CDC14A: variants seen among roughly 807,000 people sequenced by gnomAD.
CDC14A encodes the protein dual specificity protein phosphatase CDC14A.
Under a neutral mutation model 74.4 loss-of-function variants are expected in CDC14A, and 53 were observed. The observed-to-expected ratio is 0.71, with a 90% CI of 0.57 to 0.89. CDC14A has a LOEUF of 0.89. Among genes scored for constraint, CDC14A ranks in the 40% least tolerant of loss-of-function variants. The pLI, the probability that CDC14A is intolerant of heterozygous loss-of-function variation, is 0.00. For synonymous variants in CDC14A, 247 were observed against 258.4 expected (o/e 0.96, Z 0.43); for missense variants, 646 against 713.7 (o/e 0.91, Z 1.08).
chr1:100,393,025 T>C (rs1657929490), intron 4 of CDC14A: 1 of 1,355,460 alleles, frequency 7.4e-7, no homozygotes, highest in Non-Finnish European at 1.0e-6. Flanking sequence ...ACCCGCGAAA[T>C]TGTCTTTTCA....
In CDC14A at chr1:100,507,321, A is replaced by G. The variant is rs1557838652; in HGVS notation, c.1755+8059A>G. On this transcript the variant is annotated intron_variant, in intron 15 of 15. Transcript: ENST00000336454. ...GAAGAATAAGACCAAATATTATAAGATTTTTCCTCTTTTTCCTGAAATTCT... is the reference window on the plus strand; with the variant it reads ...GAAGAATAAGACCAAATATTATAAGGTTTTTCCTCTTTTTCCTGAAATTCT... Among the ~76,000 whole-genome samples the G allele has an allele frequency of 2.0e-5, 3 of 152,168 alleles. No individual in the cohort carries two copies. In the East Asian group the frequency reaches 5.8e-4, roughly 29 times the overall value.
chr1:100,405,311 C>T (rs1659800742), intron 4 of CDC14A, among the ~76,000 whole-genome samples: 1 of 152,204 alleles, frequency 6.6e-6, no homozygotes, highest in African/African-American at 2.4e-5. Flanking sequence ...GCTCCTTGTA[C>T]TTACTTGCTT....
rs554429114 is a variant in CDC14A at position 100,456,031 on chromosome 1, T to C, written c.607+539T>C. Among the ~76,000 whole-genome samples the C allele has an allele frequency of 2.0e-5, 3 of 152,318 alleles. No individual in the cohort carries two copies. The East Asian group carries it at 5.8e-4, about 29-fold the overall frequency. On this transcript the variant is annotated intron_variant, in intron 8 of 15. Transcript: ENST00000336454. ...GGAGGAGTAAATTGAGCCTTATTAGTAGAGAATTTGCCCAAGGTCACAAAG... is the reference window on the plus strand; with the variant it reads ...GGAGGAGTAAATTGAGCCTTATTAGCAGAGAATTTGCCCAAGGTCACAAAG...
chr1:100,365,608 A>T (rs1000288050), intron 2 of CDC14A, among the ~76,000 whole-genome samples: 14 of 152,234 alleles, frequency 9.2e-5, no homozygotes, highest in African/African-American at 3.4e-4. Context: ...GCACCCAGTG[A>T]TCTTTAGTTC....
chr1:100,466,204 A>T (rs943453382), intron 9 of CDC14A, among the ~76,000 whole-genome samples: 8 of 134,236 alleles, frequency 6.0e-5, no homozygotes, highest in African/African-American at 3.0e-4. Context: ...GGGAGCAGTG[A>T]GAGAGAGTGT....
intron 15 of CDC14A, among the ~76,000 whole-genome samples, chr1:100,507,172 G>A (rs1350953906): frequency 6.6e-6 from 1 of 152,096 alleles, no homozygotes; most frequent in East Asian, 1.9e-4. Flanking sequence ...CTTCATGCAG[G>A]CATCTTCTGG....
chr1:100,442,365 GTATATATAAATATATACTATATAT>G (rs1332334627), intron 6 of CDC14A, among the ~76,000 whole-genome samples: 1 of 144,002 alleles, frequency 6.9e-6, no homozygotes, highest in African/African-American at 2.5e-5. Flanking sequence ...ATTATATATA[GTATATATAAATATATACTATATAT>G]TATATATAAA....
At chr1:100,504,027 A>G (rs1649020178) in intron 15 of CDC14A, among the ~76,000 whole-genome samples, 1 of 152,180 alleles carries the variant, frequency 6.6e-6, no homozygotes, top group Non-Finnish European at 1.5e-5. Flanking sequence ...CAGAATTTGC[A>G]TAATCCACTA....
At chr1:100,499,471 T>C in intron 15 of CDC14A, 3 of 1,444,830 alleles carry the variant, frequency 2.1e-6, no homozygotes, top group South Asian at 3.2e-5. Context: ...CTGGGTTTTC[T>C]TCCTTCCTTC....
rs1329836938 is a variant in CDC14A, at chr1:100,484,289, C to T, written c.978-3C>T. On this transcript the variant is annotated splice_polypyrimidine_tract_variant and splice_region_variant and intron_variant, in intron 10 of 15. Transcript: ENST00000336454. Reference sequence around the variant, plus strand: ...GTTTTGTTTTGTTTTGTTTTTTATACAGAAAACAAGCATCGTTGTGGGTCC... The same window carrying T: ...GTTTTGTTTTGTTTTGTTTTTTATATAGAAAACAAGCATCGTTGTGGGTCC... The T allele has an allele frequency of 7.3e-6, 11 of 1,501,704 alleles. No homozygotes were observed. Among genetic ancestry groups the T allele is most frequent in the Non-Finnish European group, 8.9e-6 (10 of 1,121,746 alleles). 93.0% of individuals were successfully genotyped at this position (1,501,704 alleles called of 1,614,324 possible).
chr1:100,420,063 C>CATATATATATAT (rs1553180578), intron 4 of CDC14A, among the ~76,000 whole-genome samples: 1,605 of 61,470 alleles, frequency 0.026, 75 homozygotes, highest in East Asian at 0.099. Flanking sequence ...CACACACACA[C>CATATATATATAT]ATATATATAT....
chr1:100,448,738 G>A (rs1199112785), intron 7 of CDC14A, among the ~76,000 whole-genome samples: 1 of 152,150 alleles, frequency 6.6e-6, no homozygotes, highest in Non-Finnish European at 1.5e-5. Context: ...GCTCCTTATG[G>A]CCTCATTCTC....
At chr1:100,458,318 AGT>A in intron 8 of CDC14A, among the ~76,000 whole-genome samples, 1 of 152,364 alleles carries the variant, frequency 6.6e-6, no homozygotes, top group African/African-American at 2.4e-5. Context: ...AGAAAATTTA[AGT>A]AATATAAAGA....
intron 4 of CDC14A, among the ~76,000 whole-genome samples, chr1:100,418,954 G>A (rs1661898585): frequency 6.6e-6 from 1 of 152,204 alleles, no homozygotes; most frequent in African/African-American, 2.4e-5. Flanking sequence ...GGAGGCTGAG[G>A]CGGGTGGATC....
At chr1:100,466,661 A>G (rs1667835554) in intron 9 of CDC14A, among the ~76,000 whole-genome samples, 2 of 152,152 alleles carry the variant, frequency 1.3e-5, no homozygotes, top group Admixed American at 1.3e-4. Context: ...ACCTGAGGTC[A>G]GGACTTCGAG....
chr1:100,448,138 C>T (rs1188008125), intron 7 of CDC14A, among the ~76,000 whole-genome samples: 1 of 152,126 alleles, frequency 6.6e-6, no homozygotes, highest in African/African-American at 2.4e-5. Flanking sequence ...TTACCCCATT[C>T]AAAATTCAGC....
At chr1:100,474,653 G>T (rs1205817550) in intron 10 of CDC14A, among the ~76,000 whole-genome samples, 1 of 150,342 alleles carries the variant, frequency 6.7e-6, no homozygotes. Context: ...AGAGCCTGTA[G>T]TGATTTTCTT....
At chr1:100,396,436 CA>C (rs775248644) in intron 4 of CDC14A, among the ~76,000 whole-genome samples, 1 of 152,014 alleles carries the variant, frequency 6.6e-6, no homozygotes, top group Non-Finnish European at 1.5e-5. Flanking sequence ...AATGGGATGA[CA>C]AAACATGAAA....
chr1:100,515,304 A>C (rs1234984649), intron 15 of CDC14A, among the ~76,000 whole-genome samples: 1 of 152,130 alleles, frequency 6.6e-6, no homozygotes, highest in South Asian at 2.1e-4. Flanking sequence ...AAGGTCTCAC[A>C]GTGTTAGTTA....
Sources: gnomAD v4.1 joint callset for allele counts (sites outside exome capture counted in the v4.1 genomes callset) on GRCh38, gnomAD v4.1.1 for gene constraint, MANE v1.5 for transcripts, NCBI Gene and HGNC (gene_info 2026-07-23, HGNC 2026-07-21) for gene names.